The following RBCK1 variants were observed in gnomAD, a reference collection of about 807,000 sequenced individuals.
The protein encoded by RBCK1 is RANBP2-type and C3HC4-type zinc finger containing 1.
Under a neutral mutation model 71.1 loss-of-function variants are expected in RBCK1, and 44 were observed. The ratio of observed to expected loss-of-function variants is 0.62; its 90% CI spans 0.49 to 0.80. The LOEUF is 0.80. Ranked by LOEUF, RBCK1 falls within the 30% of genes least tolerant of loss-of-function variation. RBCK1 has a pLI of 0.00. For synonymous variants in RBCK1, 306 were observed against 279.7 expected (o/e 1.09, Z -0.94); for missense variants, 569 against 685.0 (o/e 0.83, Z 1.89).
In RBCK1 at chr20:430,312, C is replaced by T. The variant is rs953941917; in HGVS notation, c.1453-38C>T. On this transcript the variant is annotated intron_variant, in intron 11 of 11. Transcript: ENST00000356286. This position sits in a 1 kb window ranked among gnomAD's most constrained non-coding sequence, Gnocchi z 5.6. ...CTCGGCTGTGGGGGCAGTCTCTGCA[C>T]TGCGCTGACATTCTCTTCTCTTCCT... 3.2e-5 allele frequency: 49 copies of T among 1,548,632 alleles called. No homozygotes were observed. The highest frequency in any genetic ancestry group is 4.3e-5 in the Non-Finnish European group (48 of 1,121,688).
In RBCK1 at chr20:419,661, C is replaced by T. The variant is rs1386264545; in HGVS notation, c.686C>T (p.Ser229Leu). ...ARPEAYQVPA[S>L]YQPDEEERAR... is the part of the protein sequence containing the mutation. Reference sequence around the variant, plus strand: ...CCCGAGGCCTACCAGGTCCCCGCCTCATACCAGCCCGACGAGGAGGAGCGA... The same window carrying T: ...CCCGAGGCCTACCAGGTCCCCGCCTTATACCAGCCCGACGAGGAGGAGCGA... Residue 229 changes from serine (S) to leucine (L), a missense_variant, in exon 6 of 12, where the codon TCA (serine) becomes TTA (leucine). Transcript: ENST00000356286. The T allele has an allele frequency of 6.3e-7, 1 of 1,583,470 alleles. No homozygotes were observed. Among genetic ancestry groups the T allele is most frequent in the Non-Finnish European group, 8.6e-7 (1 of 1,167,384 alleles).
At chr20:421,635 C>T (rs752770129) in intron 7 of RBCK1, among the ~76,000 whole-genome samples, 9 of 151,976 alleles carry the variant, frequency 5.9e-5, no homozygotes, top group Non-Finnish European at 1.2e-4. Flanking sequence ...GAGCAGGGAC[C>T]GGAAGGCCTG....
At chr20:416,554 G>A (rs1481130203) in intron 2 of RBCK1, among the ~76,000 whole-genome samples, 1 of 152,144 alleles carries the variant, frequency 6.6e-6, no homozygotes, top group Non-Finnish European at 1.5e-5. Flanking sequence ...AGACTTCACT[G>A]TTGCTTATTG....
At position 429,202 on chromosome 20, in the gene RBCK1, A is replaced by G. The variant is rs534218503; in HGVS notation, c.1452+108A>G. 8.2e-5 allele frequency: 115 copies of G among 1,407,222 alleles called. No homozygotes were observed. The African/African-American group carries it at 1.6e-3, about 19-fold the overall frequency. The allele number at this position is 1,407,222 out of a possible 1,614,324, so 87.2% of individuals were successfully genotyped here. A position where few individuals can be genotyped will look rare whatever the true frequency, so the allele number is the denominator to read the frequency against. On this transcript the variant is annotated intron_variant, in intron 11 of 11. Coordinates refer to ENST00000356286, the MANE Select transcript of RBCK1 (RefSeq NM_031229.4). ...GGGCCATATCCAACCCAGCACCTGA[A>G]TTTGTACAGCTCCCGAGGTAAGAAT...
chr20:417,979 C>G lies in RBCK1; in HGVS notation c.460+49C>G, dbSNP rs754190543. 6 of 1,549,216 alleles carry G rather than the reference C, an allele frequency of 3.9e-6. No homozygotes were observed. In the African/African-American group the frequency reaches 8.1e-5, roughly 21 times the overall value. On this transcript the variant is annotated intron_variant, in intron 4 of 11. Transcript: ENST00000356286. The surrounding 1 kb of genome is among the most constrained non-coding windows in gnomAD (Gnocchi z 4.7). ...CCGGACCCAGCGGGGGCCCTGGACT[C>G]ACTTGAGGGCATAGGGCAAGCAGGG...
intron 11 of RBCK1, among the ~76,000 whole-genome samples, chr20:429,505 C>T (rs1397869942): frequency 2.0e-5 from 3 of 152,162 alleles, no homozygotes; most frequent in Non-Finnish European, 4.4e-5. Flanking sequence ...GGATTACAGG[C>T]GTGAGCCACC....
chr20:427,550 A>G, intron 9 of RBCK1, 58 bp downstream of exon 9: 1 of 1,571,356 alleles, frequency 6.4e-7, no homozygotes, highest in Non-Finnish European at 8.7e-7. Context: ...GGAGCTCACC[A>G]CACTGCAGTG....
chr20:409,699 A>C, intron 1 of RBCK1, 182 bp from the exon 2 acceptor site: 2 of 836,142 alleles, frequency 2.4e-6, no homozygotes, highest in South Asian at 1.9e-5. Flanking sequence ...GGAGTGGGGA[A>C]TATTAGAGAA....
At chr20:415,704 A>G (rs774579373) in intron 2 of RBCK1, among the ~76,000 whole-genome samples, 1 of 152,184 alleles carries the variant, frequency 6.6e-6, no homozygotes, top group Non-Finnish European at 1.5e-5. Context: ...CATTGCTACA[A>G]AGAAATATCT....
At position 408,732 on chromosome 20, in the gene RBCK1, C is replaced by G. The variant is rs1479262309; in HGVS notation, c.-26C>G. On this transcript the variant is annotated 5_prime_UTR_variant, in exon 1 of 12. Coordinates refer to ENST00000356286, the MANE Select transcript of RBCK1 (RefSeq NM_031229.4). ...ATTTCCCAGGAGGCACGGTCCCCCC[C>G]AGGGGGATGGGCACAGCCACGCCAG... 4.3e-6 allele frequency: 7 copies of G among 1,612,240 alleles called. No homozygotes were observed. The Admixed American group carries it at 1.2e-4, about 27-fold the overall frequency.
At position 422,683 on chromosome 20, in the gene RBCK1, G is replaced by C. The variant is rs1385868726; in HGVS notation, c.1029+445G>C. Among the ~76,000 whole-genome samples, 1 of 152,128 alleles carries C rather than the reference G, an allele frequency of 6.6e-6. No homozygotes were observed. Among genetic ancestry groups the C allele is most frequent in the Non-Finnish European group, 1.5e-5 (1 of 68,024 alleles). ...ATTCAAAAAATAGCCAGGCGCGGGG[G>C]CATGCGCCTGTAGTCCTAGCTACTT... On this transcript the variant is annotated intron_variant, in intron 8 of 11. Transcript: ENST00000356286. The surrounding 1 kb of genome is among the most constrained non-coding windows in gnomAD (Gnocchi z 5.0).
chr20:410,327 A>G, intron 2 of RBCK1: 2 of 717,458 alleles, frequency 2.8e-6, no homozygotes, highest in East Asian at 2.5e-5. Flanking sequence ...ATTTGATGGC[A>G]GGGAGTCCAG....
At chr20:418,181 A>G (rs1441276624) in intron 4 of RBCK1, among the ~76,000 whole-genome samples, 1 of 152,230 alleles carries the variant, frequency 6.6e-6, no homozygotes, top group Non-Finnish European at 1.5e-5. Context: ...GACCTTGGGC[A>G]AGGTTGCTCC....
chr20:419,640 A>G lies in RBCK1; in HGVS notation c.665A>G (p.Glu222Gly). 1 of 1,587,262 alleles carries G rather than the reference A, an allele frequency of 6.3e-7. No homozygotes were observed. The change falls in exon 6 of 12, where the codon GAG (glutamate) becomes GGG (glycine). Residue 222 changes from glutamate to glycine, a missense_variant. Glu to Gly is a moderately conservative substitution (Grantham distance 98). This residue lies in a region of RBCK1 where 358 missense variants were observed against 375.6 expected (regional missense o/e 0.95). Coordinates refer to ENST00000356286, the MANE Select transcript of RBCK1 (RefSeq NM_031229.4). ...GCEMCCRARP[E>G]AYQVPASYQP... ...GAGATGTGCTGCCGGGCGCGCCCCG[A>G]GGCCTACCAGGTCCCCGCCTCATAC... is the stretch of plus-strand genomic sequence containing the variant.
chr20:417,543 A>T lies in RBCK1; in HGVS notation c.185A>T (p.Glu62Val), dbSNP rs1568554230. 2 of 1,613,630 alleles carry T rather than the reference A, an allele frequency of 1.2e-6. No individual in the cohort carries two copies. The highest frequency in any genetic ancestry group is 1.7e-6 in the Non-Finnish European group (2 of 1,180,016). ...CTCTGCAGGCTGTGGGTGAGCGTGG[A>T]GGATGCTCAGATGCACACCGTCACC... ...TQDIRLWVSV[E>V]DAQMHTVTIW... is the part of the protein sequence containing the mutation. Residue 62 changes from glutamate (E) to valine (V), a missense_variant, in exon 3 of 12, where the codon GAG (glutamate) becomes GTG (valine). Physicochemically the swap from Glu to Val is moderately radical, Grantham distance 121. Around this residue, in one of 2 missense-constraint regions of RBCK1, gnomAD observed 358 missense variants for 375.6 expected, o/e 0.95. Coordinates refer to ENST00000356286, the MANE Select transcript of RBCK1 (RefSeq NM_031229.4). This position sits in a 1 kb window ranked among gnomAD's most constrained non-coding sequence, Gnocchi z 4.7.
rs41279380 is a variant in RBCK1, at chr20:431,083, G to T, written c.*653G>T. On this transcript the variant is annotated 3_prime_UTR_variant, in exon 12 of 12. Transcript: ENST00000356286. This position sits in a 1 kb window ranked among gnomAD's most constrained non-coding sequence, Gnocchi z 4.8. ...AGAAAGTTGACTTGTCAGTCCATCTGTGGTAGAATGAGGCTGTGACTGAGC... is the reference window on the plus strand; with the variant it reads ...AGAAAGTTGACTTGTCAGTCCATCTTTGGTAGAATGAGGCTGTGACTGAGC... 6.6e-6 allele frequency: 1 copy of T among 152,470 alleles called. No homozygotes were observed. The highest frequency in any genetic ancestry group is 1.5e-5 in the Non-Finnish European group (1 of 68,250). The allele number at this position is 152,470 out of a possible 1,614,324, so 9.4% of individuals were successfully genotyped here. A position where few individuals can be genotyped will look rare whatever the true frequency, so the allele number is the denominator to read the frequency against.
Position 422,196 on chromosome 20 carries a change from C to T in RBCK1, c.987C>T (p.Thr329=). Residue 329 remains threonine (T), a synonymous_variant, in exon 8 of 12, where the codon ACC becomes ACT. Coordinates refer to ENST00000356286, the MANE Select transcript of RBCK1 (RefSeq NM_031229.4). The surrounding 1 kb of genome is among the most constrained non-coding windows in gnomAD (Gnocchi z 5.0). ...TCTCCTGCCCCTTCATTGACAACACCTACTCGTGCTCGGGCAAGCTGCTGG... is the reference window on the plus strand; with the variant it reads ...TCTCCTGCCCCTTCATTGACAACACTTACTCGTGCTCGGGCAAGCTGCTGG... ...AEVSCPFIDN[T]YSCSGKLLER... 1.2e-6 allele frequency: 2 copies of T among 1,613,432 alleles called. No homozygotes were observed. Among genetic ancestry groups the T allele is most frequent in the African/African-American group, 1.3e-5 (1 of 75,024 alleles).
chr20:430,754 T>A lies in RBCK1; in HGVS notation c.*324T>A. ...CACTCATCTGTCAAACACCAAGCAC[T>A]CTCAGCCTCCCCGCCTTCAGCTGTC... On this transcript the variant is annotated 3_prime_UTR_variant, in exon 12 of 12. Transcript: ENST00000356286. This position sits in a 1 kb window ranked among gnomAD's most constrained non-coding sequence, Gnocchi z 5.6. The A allele has an allele frequency of 3.1e-6, 1 of 324,168 alleles. No homozygotes were observed. The highest frequency in any genetic ancestry group is 5.8e-6 in the Non-Finnish European group (1 of 173,258). The allele number at this position is 324,168 out of a possible 1,614,324, so 20.1% of individuals were successfully genotyped here.
Position 428,448 on chromosome 20 carries a change from C to T in RBCK1, c.1210-43C>T. On this transcript the variant is annotated intron_variant, in intron 9 of 11. Coordinates refer to ENST00000356286, the MANE Select transcript of RBCK1 (RefSeq NM_031229.4). The surrounding 1 kb of genome is among the most constrained non-coding windows in gnomAD (Gnocchi z 5.7). ...ACCTCACCTCTCCCAGCTTCTTAAC[C>T]CCCTGAGGAACCTTCTTACCTTGAG... is the stretch of plus-strand genomic sequence containing the variant. 2.1e-6 allele frequency: 3 copies of T among 1,455,728 alleles called. No homozygotes were observed. The highest frequency in any genetic ancestry group is 2.8e-6 in the Non-Finnish European group (3 of 1,072,412). 90.2% of individuals were successfully genotyped at this position (1,455,728 alleles called of 1,614,324 possible). A position where few individuals can be genotyped will look rare whatever the true frequency, so the allele number is the denominator to read the frequency against.
Sources: gnomAD v4.1 joint callset for allele counts (sites outside exome capture counted in the v4.1 genomes callset) on GRCh38, gnomAD v4.1.1 for gene constraint, gnomAD v4.1.1 regional missense constraint, Gnocchi (gnomAD v3.1) non-coding constraint, MANE v1.5 for transcripts, NCBI Gene and HGNC (gene_info 2026-07-23, HGNC 2026-07-21) for gene names.